The following STARD13 variants were observed in gnomAD, a reference collection of about 807,000 sequenced individuals.
STARD13 encodes StAR related lipid transfer domain containing 13.
Under a neutral mutation model 106.4 loss-of-function variants are expected in STARD13, and 62 were observed. The observed-to-expected ratio is 0.58, with a 90% confidence interval of 0.48 to 0.72. STARD13 has a LOEUF of 0.72. Among genes scored for constraint, STARD13 ranks in the 30% least tolerant of loss-of-function variants. The pLI is 0.00. For missense variants in STARD13, 1,387 were observed against 1,424.0 expected (o/e 0.97, Z 0.42); for synonymous variants, 565 against 553.0 (o/e 1.02, Z -0.31).
intron 1 of STARD13, among the ~76,000 whole-genome samples, chr13:33,299,276 T>C (rs1217961090): frequency 6.6e-6 from 1 of 152,160 alleles, no homozygotes; most frequent in Non-Finnish European, 1.5e-5. Context: ...CATTAAGCAA[T>C]GCATGACTAT....
At position 33,212,439 on chromosome 13, in the gene STARD13, A is replaced by G. The variant is rs151222586; in HGVS notation, c.170-44817T>C. 3.3e-3 allele frequency among the ~76,000 whole-genome samples: 504 copies of G among 152,342 alleles called. 2 individuals are homozygous for G. Among genetic ancestry groups the G allele is most frequent in the Middle Eastern group, 0.02 (6 of 294 alleles). ...TTGAATTATTCTTATTTACAGCAATAGAAATGTCAACCTTTCAGATTTGGA... is the reference window on the plus strand; with the variant it reads ...TTGAATTATTCTTATTTACAGCAATGGAAATGTCAACCTTTCAGATTTGGA... On this transcript the variant is annotated intron_variant, in intron 1 of 13. Coordinates refer to ENST00000336934, the MANE Select transcript of STARD13 (RefSeq NM_178006.4).
At chr13:33,146,364 G>C (rs1422977221) in intron 3 of STARD13, among the ~76,000 whole-genome samples, 1 of 151,858 alleles carries the variant, frequency 6.6e-6, no homozygotes, top group African/African-American at 2.4e-5. Flanking sequence ...CGTGCCTGTA[G>C]TCCTAGCTAC....
chr13:33,413,422 T>C, the STARD13 span, among the ~76,000 whole-genome samples: 3 of 151,912 alleles, frequency 2.0e-5, no homozygotes, highest in African/African-American at 7.2e-5. Context: ...AGAGCAGAAG[T>C]TGATGGAATT....
At chr13:33,645,502 C>T in the STARD13 span, among the ~76,000 whole-genome samples, 1 of 152,136 alleles carries the variant, frequency 6.6e-6, no homozygotes, top group African/African-American at 2.4e-5. Flanking sequence ...AGAAACAGAT[C>T]ATGGACTCAA....
chr13:33,485,588 T>C, the STARD13 span, among the ~76,000 whole-genome samples: 15 of 152,298 alleles, frequency 9.8e-5, no homozygotes, highest in Non-Finnish European at 1.5e-4. Context: ...GCCTTGCTAA[T>C]TCCCTGACAA....
intron 1 of STARD13, among the ~76,000 whole-genome samples, chr13:33,240,834 G>A (rs1049538915): frequency 6.6e-6 from 1 of 151,892 alleles, no homozygotes; most frequent in African/African-American, 2.4e-5. Context: ...AGTACTATAA[G>A]TAGTATTGTT....
the STARD13 span, among the ~76,000 whole-genome samples, chr13:33,545,645 CAG>C: frequency 6.6e-6 from 1 of 152,222 alleles, no homozygotes; most frequent in African/African-American, 2.4e-5. Context: ...ATCCCTGACA[CAG>C]GGCTTGATGC....
the STARD13 span, among the ~76,000 whole-genome samples, chr13:33,609,189 A>G: frequency 6.6e-6 from 1 of 152,126 alleles, no homozygotes; most frequent in Non-Finnish European, 1.5e-5. Flanking sequence ...AGTAAAAAGG[A>G]AAATCATATA....
chr13:33,572,439 C>G, the STARD13 span, among the ~76,000 whole-genome samples: 1 of 152,162 alleles, frequency 6.6e-6, no homozygotes, highest in Non-Finnish European at 1.5e-5. Context: ...TTTCCTTTTT[C>G]TGTCCATAAA....
chr13:33,513,338 C>T, the STARD13 span, among the ~76,000 whole-genome samples: 2 of 152,142 alleles, frequency 1.3e-5, no homozygotes, highest in African/African-American at 4.8e-5. Context: ...TAAGAAGACA[C>T]TTGGGGTCTG....
At chr13:33,393,294 T>A in the STARD13 span, among the ~76,000 whole-genome samples, 1 of 152,108 alleles carries the variant, frequency 6.6e-6, no homozygotes, top group African/African-American at 2.4e-5. Flanking sequence ...GAAGCAGGAA[T>A]GGATGCAAAA....
the STARD13 span, among the ~76,000 whole-genome samples, chr13:33,460,479 G>A: frequency 6.6e-6 from 1 of 150,416 alleles, no homozygotes; most frequent in East Asian, 1.9e-4. Flanking sequence ...GACAGAGCAG[G>A]ACTCCATCTT....
At chr13:33,662,489 C>T in the STARD13 span, among the ~76,000 whole-genome samples, 977 of 152,246 alleles carry the variant, frequency 6.4e-3, 5 homozygotes, top group Non-Finnish European at 9.2e-3. Context: ...TTGTTGGAGG[C>T]CCAAGTGAAG....
chr13:33,658,378 G>A, the STARD13 span: 1 of 152,260 alleles, frequency 6.6e-6, no homozygotes, highest in Non-Finnish European at 1.5e-5. Flanking sequence ...ACATGGGTGA[G>A]TACAAATATG....
the STARD13 span, among the ~76,000 whole-genome samples, chr13:33,532,106 C>T: frequency 6.6e-6 from 1 of 152,158 alleles, no homozygotes; most frequent in Admixed American, 6.5e-5. Context: ...GGCTGTCGTT[C>T]TGCTCACCTG....
At chr13:33,193,371 G>A (rs2138059480) in intron 1 of STARD13, among the ~76,000 whole-genome samples, 1 of 152,294 alleles carries the variant, frequency 6.6e-6, no homozygotes, top group Admixed American at 6.5e-5. Context: ...ATTATTTCCA[G>A]TCAGAATGGT....
At chr13:33,643,988 G>C in the STARD13 span, among the ~76,000 whole-genome samples, 1 of 152,224 alleles carries the variant, frequency 6.6e-6, no homozygotes, top group Non-Finnish European at 1.5e-5. Context: ...TTTAAAAATT[G>C]AGGACTCTTC....
the STARD13 span, among the ~76,000 whole-genome samples, chr13:33,437,580 G>A: frequency 6.6e-6 from 1 of 152,108 alleles, no homozygotes; most frequent in Non-Finnish European, 1.5e-5. Context: ...ACAAACAGCA[G>A]AAAGGAATGA....
chr13:33,191,930 A>T (rs977110912), intron 1 of STARD13, among the ~76,000 whole-genome samples: 1 of 152,256 alleles, frequency 6.6e-6, no homozygotes, highest in African/African-American at 2.4e-5. Flanking sequence ...GACAGTTATT[A>T]AAACAGCTGG....
Sources: gnomAD v4.1 joint callset for allele counts (sites outside exome capture counted in the v4.1 genomes callset) on GRCh38, gnomAD v4.1.1 for gene constraint, MANE v1.5 for transcripts, NCBI Gene and HGNC (gene_info 2026-07-23, HGNC 2026-07-21) for gene names.